SGCZ: variants seen among roughly 807,000 people sequenced by gnomAD.
The protein encoded by SGCZ is sarcoglycan zeta.
SGCZ carries 40 observed loss-of-function variants against 41.3 expected under a neutral mutation model. The ratio of observed to expected loss-of-function variants is 0.97; its 90% CI spans 0.75 to 1.26. The LOEUF is 1.26. Ranked by LOEUF, SGCZ falls within the 50% of genes most tolerant of loss-of-function variation. The pLI, the probability that SGCZ is intolerant of heterozygous loss-of-function variation, is 0.00. For missense variants in SGCZ, 552 were observed against 369.8 expected, an observed-to-expected ratio of 1.49 and a Z score of -4.04; for synonymous variants, 206 against 137.5, an observed-to-expected ratio of 1.50 and a Z score of -3.49.
chr8:15,074,314 A>G (rs1585535727), intron 1 of SGCZ, among the ~76,000 whole-genome samples: 1 of 152,044 alleles, frequency 6.6e-6, no homozygotes, highest in Non-Finnish European at 1.5e-5. Flanking sequence ...CCTCATCCCA[A>G]CACCTTGTCT....
intron 4 of SGCZ, among the ~76,000 whole-genome samples, chr8:14,186,138 GTTC>G: frequency 6.6e-6 from 1 of 152,254 alleles, no homozygotes; most frequent in African/African-American, 2.4e-5. Flanking sequence ...CTTGTCTCAG[GTTC>G]CTTTTCTGTA....
At chr8:14,576,092 C>T (rs752649226) in intron 1 of SGCZ, among the ~76,000 whole-genome samples, 9 of 152,146 alleles carry the variant, frequency 5.9e-5, no homozygotes, top group Non-Finnish European at 1.3e-4. Context: ...ATAATCAATG[C>T]AAATACTAAT....
At chr8:14,851,096 G>A (rs946609594) in intron 1 of SGCZ, among the ~76,000 whole-genome samples, 13 of 152,084 alleles carry the variant, frequency 8.5e-5, no homozygotes, top group African/African-American at 1.2e-4. Flanking sequence ...AAGGCTGGGC[G>A]CAGTGGCTCA....
chr8:14,096,877 C>G (rs1801862619), intron 7 of SGCZ, among the ~76,000 whole-genome samples: 1 of 152,090 alleles, frequency 6.6e-6, no homozygotes, highest in Admixed American at 6.5e-5. Flanking sequence ...TCTAGATTTT[C>G]TAATTTATTT....
At chr8:14,792,676 C>T (rs962133789) in intron 1 of SGCZ, among the ~76,000 whole-genome samples, 5 of 152,032 alleles carry the variant, frequency 3.3e-5, no homozygotes, top group Admixed American at 2.6e-4. Context: ...ATTAACTCAT[C>T]GTTTAGCATT....
At chr8:14,476,280 T>C (rs1801358172) in intron 2 of SGCZ, among the ~76,000 whole-genome samples, 1 of 152,126 alleles carries the variant, frequency 6.6e-6, no homozygotes, top group Admixed American at 6.6e-5. Context: ...CACTGGGACC[T>C]GCCCCAAGAG....
intron 1 of SGCZ, among the ~76,000 whole-genome samples, chr8:14,904,992 A>C (rs999644734): frequency 6.6e-6 from 1 of 152,000 alleles, no homozygotes; most frequent in Non-Finnish European, 1.5e-5. Context: ...AGTCTTGCCT[A>C]ACACAAAAAT....
intron 1 of SGCZ, among the ~76,000 whole-genome samples, chr8:15,017,801 T>A (rs1427058937): frequency 1.3e-5 from 2 of 152,170 alleles, no homozygotes; most frequent in African/African-American, 4.8e-5. Context: ...CCGTGGTGCC[T>A]GGCCATCATC....
At chr8:14,988,141 G>A (rs551229179) in intron 1 of SGCZ, among the ~76,000 whole-genome samples, 1 of 151,904 alleles carries the variant, frequency 6.6e-6, no homozygotes, top group African/African-American at 2.4e-5. Context: ...ATATTTAGGG[G>A]ATACATCTCA....
intron 1 of SGCZ, among the ~76,000 whole-genome samples, chr8:14,956,567 A>C (rs1800799173): frequency 1.3e-5 from 2 of 152,168 alleles, no homozygotes; most frequent in Admixed American, 1.3e-4. Flanking sequence ...ACAATGTCTT[A>C]TAAGAGACAG....
chr8:14,544,606 G>C (rs1227867680), intron 2 of SGCZ, among the ~76,000 whole-genome samples: 1 of 152,044 alleles, frequency 6.6e-6, no homozygotes, highest in Non-Finnish European at 1.5e-5. Context: ...TGTCTGTCTT[G>C]TGCAGTTGAG....
At chr8:14,771,776 G>C (rs777059153) in intron 1 of SGCZ, among the ~76,000 whole-genome samples, 5 of 152,022 alleles carry the variant, frequency 3.3e-5, no homozygotes, top group Admixed American at 1.3e-4. Context: ...AAGACTGTCA[G>C]TATTTCAACC....
chr8:14,797,583 A>G (rs949560041), intron 1 of SGCZ, among the ~76,000 whole-genome samples: 4 of 152,204 alleles, frequency 2.6e-5, no homozygotes, highest in Non-Finnish European at 4.4e-5. Flanking sequence ...AGAAAAAACT[A>G]TTTTCTGGGA....
Position 14,237,664 on chromosome 8 carries a change from A to G in SGCZ, c.352T>C (p.Leu118=). ...IHSRKDSPLV[L]QSDRNVTVNA... ...ACTGTGACATTCCTGTCAGACTGTA[A>G]GACCAGCGGACTATCCTGGGAAACA... The change falls in exon 4 of 8, where the codon TTA becomes CTA. Residue 118 remains leucine, a synonymous_variant. Transcript: ENST00000382080. 1 of 1,613,872 alleles carries G rather than the reference A, an allele frequency of 6.2e-7. No homozygotes were observed. The highest frequency in any genetic ancestry group is 8.5e-7 in the Non-Finnish European group (1 of 1,179,778).
intron 5 of SGCZ, among the ~76,000 whole-genome samples, chr8:14,117,625 T>C (rs974403493): frequency 6.6e-6 from 1 of 151,942 alleles, no homozygotes; most frequent in Non-Finnish European, 1.5e-5. Flanking sequence ...GGAGTACCTG[T>C]GCAGAATGTG....
In SGCZ at chr8:14,397,590, T is replaced by C. The variant is rs186562798; in HGVS notation, c.235-73386A>G. 1.6e-4 allele frequency among the ~76,000 whole-genome samples: 25 copies of C among 152,276 alleles called. 1 individual carries two copies. The highest frequency in any genetic ancestry group is 1.4e-3 in the Admixed American group (21 of 15,292). ...ATAATACATGGTAAAGCAGTATTTTTTATTCTCACAAATAAAGCATACCAT... is the reference window on the plus strand; with the variant it reads ...ATAATACATGGTAAAGCAGTATTTTCTATTCTCACAAATAAAGCATACCAT... On this transcript the variant is annotated intron_variant, in intron 2 of 7. Coordinates refer to ENST00000382080, the MANE Select transcript of SGCZ (RefSeq NM_139167.4).
chr8:14,104,839 T>G (rs1237892359), intron 6 of SGCZ, among the ~76,000 whole-genome samples: 7 of 152,176 alleles, frequency 4.6e-5, no homozygotes, highest in Non-Finnish European at 1.5e-5. Context: ...TTTGCAACAA[T>G]GAGAATTATG....
At chr8:14,213,384 A>G (rs1337841092) in intron 4 of SGCZ, among the ~76,000 whole-genome samples, 1 of 152,156 alleles carries the variant, frequency 6.6e-6, no homozygotes, top group Non-Finnish European at 1.5e-5. Context: ...GAGACCAGAA[A>G]AAAATTGGCC....
chr8:14,406,840 T>A (rs1405773318), intron 2 of SGCZ, among the ~76,000 whole-genome samples: 1 of 152,142 alleles, frequency 6.6e-6, no homozygotes, highest in Non-Finnish European at 1.5e-5. Context: ...GATTCTGAGA[T>A]GCAGTTCTGT....
Sources: gnomAD v4.1 joint callset for allele counts (sites outside exome capture counted in the v4.1 genomes callset) on GRCh38, gnomAD v4.1.1 for gene constraint, MANE v1.5 for transcripts, NCBI Gene and HGNC (gene_info 2026-07-23, HGNC 2026-07-21) for gene names.